Variants in FIS1 observed in about 807,000 individuals in gnomAD.
FIS1 encodes the protein mitochondrial fission 1 protein.
Under a neutral mutation model 21.6 loss-of-function variants are expected in FIS1, and 16 were observed. The ratio of observed to expected loss-of-function variants is 0.74; its 90% CI spans 0.50 to 1.12. The LOEUF (loss-of-function observed/expected upper bound fraction) is 1.12, where lower values mean the gene tolerates loss of function less well. FIS1 is among the 50% of genes most tolerant of loss of function. The pLI is 0.00. For missense variants in FIS1, 198 were observed against 190.9 expected, an observed-to-expected ratio of 1.04 and a Z score of -0.22; for synonymous variants, 92 against 82.2, an observed-to-expected ratio of 1.12 and a Z score of -0.65.
Position 101,244,946 on chromosome 7 carries a change from G to A in FIS1, c.45+14C>T, listed in dbSNP as rs373357224. On this transcript the variant is annotated intron_variant, in intron 1 of 4. Coordinates refer to ENST00000223136, the MANE Select transcript of FIS1 (RefSeq NM_016068.3). ...TCCGACCTTCCCTTTCCCTCTGTCC[G>A]GGCCAGGCCTCACCAGCAGGTCCTC... The A allele has an allele frequency of 1.2e-5, 19 of 1,613,950 alleles. No homozygotes were observed. The highest frequency in any genetic ancestry group is 1.6e-5 in the Non-Finnish European group (19 of 1,179,902).
chr7:101,240,073 T>C, intron 4 of FIS1, 69 bp downstream of exon 4: 1 of 1,562,584 alleles, frequency 6.4e-7, no homozygotes, highest in Non-Finnish European at 8.8e-7. Flanking sequence ...GAGGGGTTCA[T>C]TTACAGAGAG....
intron 1 of FIS1, among the ~76,000 whole-genome samples, chr7:101,244,364 C>G (rs1798786470): frequency 2.0e-5 from 3 of 152,292 alleles, no homozygotes; most frequent in Non-Finnish European, 4.4e-5. Flanking sequence ...GCGGCGGTAC[C>G]GAGCGGAGAT....
chr7:101,241,848 G>T (rs776550019), intron 2 of FIS1: 1 of 151,518 alleles, frequency 6.6e-6, no homozygotes, highest in Admixed American at 6.6e-5. Context: ...AATCCCAGCT[G>T]TTCGGGAGGC....
Position 101,239,589 on chromosome 7 carries a change from T to A in FIS1, c.*217A>T. 62 of 539,234 alleles carry A rather than the reference T, an allele frequency of 1.1e-4. No individual in the cohort carries two copies. The highest frequency in any genetic ancestry group is 1.8e-4 in the East Asian group (5 of 27,794). 33.4% of individuals were successfully genotyped at this position (539,234 alleles called of 1,614,324 possible). A position where few individuals can be genotyped will look rare whatever the true frequency, so the allele number is the denominator to read the frequency against. On this transcript the variant is annotated 3_prime_UTR_variant, in exon 5 of 5. Coordinates refer to ENST00000223136, the MANE Select transcript of FIS1 (RefSeq NM_016068.3). ...GTGCCCAGCGTTCAGAACCCACCCC[T>A]CCCCTCAACGCAGACACGGGGGTTC...
chr7:101,245,070 G>C lies in FIS1; in HGVS notation c.-66C>G. 1.9e-6 allele frequency: 3 copies of C among 1,557,822 alleles called. No individual in the cohort carries two copies. The highest frequency in any genetic ancestry group is 1.8e-5 in the Admixed American group (1 of 55,688). On this transcript the variant is annotated 5_prime_UTR_variant, in exon 1 of 5. Transcript: ENST00000223136. ...CCACAGTCTCCATGGCCCAGTGGCA[G>C]GGGCGGAGAACCACTTCCGGCGTCC...
intron 4 of FIS1, 41 bp downstream of exon 4, chr7:101,240,101 T>G: frequency 6.2e-7 from 1 of 1,602,244 alleles, no homozygotes; most frequent in Non-Finnish European, 8.6e-7. Flanking sequence ...TGCCCAGGCG[T>G]GGGGAAGAGC....
At chr7:101,243,652 A>G (rs1462239088) in intron 2 of FIS1, among the ~76,000 whole-genome samples, 2 of 152,308 alleles carry the variant, frequency 1.3e-5, no homozygotes, top group South Asian at 2.1e-4. Context: ...CCATGCCACA[A>G]AAGATTCTCA....
intron 3 of FIS1, 115 bp downstream of exon 3, chr7:101,240,715 C>A: frequency 1.0e-6 from 1 of 971,104 alleles, no homozygotes; most frequent in South Asian, 1.4e-5. Context: ...TGACACCGCT[C>A]TGCACCTCTG....
intron 3 of FIS1, 145 bp downstream of exon 3, chr7:101,240,685 C>T: frequency 1.3e-6 from 1 of 761,262 alleles, no homozygotes; most frequent in East Asian, 2.5e-5. Flanking sequence ...CCACTCTGAT[C>T]TTCCCTCGGA....
chr7:101,240,295 T>C, intron 3 of FIS1, 48 bp from the exon 4 acceptor site: 1 of 1,579,696 alleles, frequency 6.3e-7, no homozygotes, highest in Non-Finnish European at 8.7e-7. Flanking sequence ...CAGTGTTTTT[T>C]TGTTTGTTTG....
Position 101,244,834 on chromosome 7 carries a change from G to T in FIS1, c.45+126C>A, listed in dbSNP as rs1562909274. On this transcript the variant is annotated intron_variant, in intron 1 of 4. Coordinates refer to ENST00000223136, the MANE Select transcript of FIS1 (RefSeq NM_016068.3). ...GCAGGAGCCAGGCGCTGTGGAGGCT[G>T]CCGGGAGCCGTAGTTCGGCTTCCCT... is the stretch of plus-strand genomic sequence containing the variant. 5.0e-6 allele frequency: 6 copies of T among 1,190,066 alleles called. No homozygotes were observed. The East Asian group carries it at 7.6e-5, about 15-fold the overall frequency. 73.7% of individuals were successfully genotyped at this position (1,190,066 alleles called of 1,614,324 possible).
intron 2 of FIS1, among the ~76,000 whole-genome samples, chr7:101,242,705 T>C (rs900341553): frequency 1.3e-5 from 2 of 152,072 alleles, no homozygotes; most frequent in Non-Finnish European, 2.9e-5. Context: ...ATTAGGCTGG[T>C]CTCGAACCCC....
rs760599566 is a variant in FIS1 at position 101,239,820 on chromosome 7, T to G, written c.445A>C (p.Lys149Gln). ...CCGCGTCTCCTTCAGGATTTGGACTTGGACACAGCAAGTCCGATGAGTCCG... is the reference window on the plus strand; with the variant it reads ...CCGCGTCTCCTTCAGGATTTGGACTGGGACACAGCAAGTCCGATGAGTCCG... ...LAGLIGLAVS[K>Q]SKS The change falls in exon 5 of 5, where the codon AAG becomes CAG. Residue 149 changes from lysine to glutamine, a missense_variant. By Grantham distance (53) the Lys-to-Gln change is moderately conservative. Transcript: ENST00000223136. The G allele has an allele frequency of 6.5e-5, 104 of 1,596,442 alleles. No homozygotes were observed. Among genetic ancestry groups the G allele is most frequent in the Non-Finnish European group, 8.3e-5 (97 of 1,171,420 alleles).
In FIS1 at chr7:101,239,582, C is replaced by T; in HGVS notation, c.*224G>A. On this transcript the variant is annotated 3_prime_UTR_variant, in exon 5 of 5. Coordinates refer to ENST00000223136, the MANE Select transcript of FIS1 (RefSeq NM_016068.3). ...GCCCCCTGTGCCCAGCGTTCAGAACCCACCCCTCCCCTCAACGCAGACACG... is the reference window on the plus strand; with the variant it reads ...GCCCCCTGTGCCCAGCGTTCAGAACTCACCCCTCCCCTCAACGCAGACACG... 1 of 613,566 alleles carries T rather than the reference C, an allele frequency of 1.6e-6. No homozygotes were observed. Among genetic ancestry groups the T allele is most frequent in the Non-Finnish European group, 3.0e-6 (1 of 333,124 alleles). 38.0% of individuals were successfully genotyped at this position (613,566 alleles called of 1,614,324 possible). A position where few individuals can be genotyped will look rare whatever the true frequency, so the allele number is the denominator to read the frequency against.
At position 101,239,586 on chromosome 7, in the gene FIS1, C is replaced by G; in HGVS notation, c.*220G>C. On this transcript the variant is annotated 3_prime_UTR_variant, in exon 5 of 5. Transcript: ENST00000223136. ...CCTGTGCCCAGCGTTCAGAACCCAC[C>G]CCTCCCCTCAACGCAGACACGGGGG... is the stretch of plus-strand genomic sequence containing the variant. 1.1e-5 allele frequency: 7 copies of G among 618,924 alleles called. No individual in the cohort carries two copies. The South Asian group carries it at 1.2e-4, about 11-fold the overall frequency. The allele number at this position is 618,924 out of a possible 1,614,324, so 38.3% of individuals were successfully genotyped here.
chr7:101,241,052 C>T (rs550074612), intron 2 of FIS1, 146 bp from the exon 3 acceptor site: 7 of 734,110 alleles, frequency 9.5e-6, no homozygotes, highest in Non-Finnish European at 4.7e-6. Flanking sequence ...GCTCCAGTCA[C>T]TCCCAGCACC....
In FIS1 at chr7:101,245,078, G is replaced by A. The variant is rs1198191863; in HGVS notation, c.-74C>T. ...TCCATGGCCCAGTGGCAGGGGCGGA[G>A]AACCACTTCCGGCGTCCGGCGGATG... is the stretch of plus-strand genomic sequence containing the variant. On this transcript the variant is annotated 5_prime_UTR_variant, in exon 1 of 5. Coordinates refer to ENST00000223136, the MANE Select transcript of FIS1 (RefSeq NM_016068.3). 12 of 1,541,018 alleles carry A rather than the reference G, an allele frequency of 7.8e-6. No individual in the cohort carries two copies. Among genetic ancestry groups the A allele is most frequent in the Admixed American group, 3.6e-5 (2 of 55,158 alleles).
chr7:101,240,458 C>T (rs1257466164), intron 3 of FIS1, among the ~76,000 whole-genome samples: 3 of 152,176 alleles, frequency 2.0e-5, no homozygotes, highest in South Asian at 2.1e-4. Flanking sequence ...GCCACTGGGC[C>T]GGCTACACCT....
chr7:101,241,162 T>A, intron 2 of FIS1: 1 of 466,850 alleles, frequency 2.1e-6, no homozygotes, highest in Admixed American at 3.8e-5. Flanking sequence ...TCCATCCAAC[T>A]GAAATGAGGA....
Sources: gnomAD v4.1 joint callset for allele counts (sites outside exome capture counted in the v4.1 genomes callset) on GRCh38, gnomAD v4.1.1 for gene constraint, MANE v1.5 for transcripts, NCBI Gene and HGNC (gene_info 2026-07-23, HGNC 2026-07-21) for gene names.